The following MAPK15 variants were observed in gnomAD, a reference collection of about 807,000 sequenced individuals.
MAPK15 encodes the protein ERK-7.
Under a neutral mutation model 60.8 loss-of-function variants are expected in MAPK15, and 61 were observed. The ratio of observed to expected loss-of-function variants is 1.00; its 90% CI spans 0.82 to 1.24. The LOEUF (loss-of-function observed/expected upper bound fraction) is 1.24. Ranked by LOEUF, MAPK15 falls within the 50% of genes most tolerant of loss-of-function variation. MAPK15 has a pLI of 0.00. For synonymous variants in MAPK15, 356 were observed against 319.9 expected (o/e 1.11, Z -1.21); for missense variants, 808 against 741.1 (o/e 1.09, Z -1.05).
chr8:143,720,970 C>T lies in MAPK15; in HGVS notation c.918-30C>T. ...GCTTGAGGGGCTCCCTTGGCCGCAG[C>T]CCGGGCCCCACCTCCCTGGCTCCCT... On this transcript the variant is annotated intron_variant, in intron 9 of 13. Transcript: ENST00000338033. The surrounding 1 kb of genome is among the most constrained non-coding windows in gnomAD (Gnocchi z 4.6). 1 of 1,591,988 alleles carries T rather than the reference C, an allele frequency of 6.3e-7. No individual in the cohort carries two copies.
chr8:143,718,965 G>C (rs547759819), intron 5 of MAPK15, 28 bp from the exon 6 acceptor site: 12 of 1,599,672 alleles, frequency 7.5e-6, no homozygotes, highest in African/African-American at 2.7e-5. Context: ...ACCCAGCCCC[G>C]GGGCCTCAGC....
chr8:143,721,291 T>C lies in MAPK15; in HGVS notation c.1084T>C (p.Ser362Pro), dbSNP rs1818053670. 6.2e-7 allele frequency: 1 copy of C among 1,613,368 alleles called. No homozygotes were observed. Among genetic ancestry groups the C allele is most frequent in the South Asian group, 1.1e-5 (1 of 91,040 alleles). The stretch of plus-strand genomic sequence containing the variant: ...GAGAGAGAAGGGCCCGGAGGGTGTC[T>C]CCCCAAGCCAGGCACACCTGCACAA... The part of the protein sequence containing the change: ...TSREKGPEGV[S>P]PSQAHLHKPR... The change falls in exon 11 of 14, where the codon TCC (serine) becomes CCC (proline). Residue 362 changes from serine (S) to proline (P), a missense_variant. Ser to Pro is a moderately conservative substitution (Grantham distance 74, BLOSUM62 -1). Coordinates refer to ENST00000338033, the MANE Select transcript of MAPK15 (RefSeq NM_139021.3).
chr8:143,718,667 GT>G (rs1474774338), intron 4 of MAPK15, 107 bp from the exon 5 acceptor site: 3 of 1,044,362 alleles, frequency 2.9e-6, no homozygotes, highest in Non-Finnish European at 4.2e-6. Flanking sequence ...CGGCCAGGCC[GT>G]GGGCTGGTTC....
rs1003807828 is a variant in MAPK15 at position 143,720,021 on chromosome 8, G to A, written c.722-209G>A. Among the ~76,000 whole-genome samples the A allele has an allele frequency of 2.6e-5, 4 of 152,288 alleles. No homozygotes were observed. Among genetic ancestry groups the A allele is most frequent in the Admixed American group, 6.5e-5 (1 of 15,306 alleles). ...GAGCACACCCCAGGGCCAGGTGCCC[G>A]AGTGTGGAGCAGGGGTCATGTGCGG... On this transcript the variant is annotated intron_variant, in intron 7 of 13. Coordinates refer to ENST00000338033, the MANE Select transcript of MAPK15 (RefSeq NM_139021.3). The surrounding 1 kb of genome is among the most constrained non-coding windows in gnomAD (Gnocchi z 4.6).
At chr8:143,721,940 C>A (rs1391482586) in intron 13 of MAPK15, 60 bp downstream of exon 13, 9 of 1,520,204 alleles carry the variant, frequency 5.9e-6, no homozygotes, top group Non-Finnish European at 8.0e-6. Context: ...CCCCTTCCCC[C>A]CTGCTTTTCC....
chr8:143,718,497 G>A (rs1156662404), intron 4 of MAPK15, 195 bp downstream of exon 4: 13 of 652,392 alleles, frequency 2.0e-5, no homozygotes, highest in East Asian at 5.4e-5. Context: ...GACCCCTTTC[G>A]TCCCACCTGC....
At position 143,720,679 on chromosome 8, in the gene MAPK15, G is replaced by T. The variant is rs117985317; in HGVS notation, c.780-24G>T. 6.2e-7 allele frequency: 1 copy of T among 1,601,900 alleles called. No individual in the cohort carries two copies. ...GGAGGGGCCCTTGGGTCGGGCCCTGGAGACGACACACGGCAGCCCACAGGC... is the reference window on the plus strand; with the variant it reads ...GGAGGGGCCCTTGGGTCGGGCCCTGTAGACGACACACGGCAGCCCACAGGC... On this transcript the variant is annotated intron_variant, in intron 8 of 13. Transcript: ENST00000338033. The surrounding 1 kb of genome is among the most constrained non-coding windows in gnomAD (Gnocchi z 4.6).
chr8:143,719,786 T>G (rs1817975118), intron 7 of MAPK15, among the ~76,000 whole-genome samples: 1 of 152,052 alleles, frequency 6.6e-6, no homozygotes, highest in African/African-American at 2.4e-5. Flanking sequence ...GGGCAGGGAC[T>G]GTCACTGTGC....
intron 6 of MAPK15, 88 bp downstream of exon 6, chr8:143,719,244 C>T (rs1817946807): frequency 6.6e-7 from 1 of 1,515,862 alleles, no homozygotes; most frequent in East Asian, 2.4e-5. Flanking sequence ...TACTCCGACC[C>T]TGCCTTGGTC....
rs782502498 is a variant in MAPK15, at chr8:143,721,559, T to A, written c.1215T>A (p.Arg405=). Residue 405 remains arginine, a synonymous_variant, in exon 12 of 14, where the codon CGT becomes CGA. Coordinates refer to ENST00000338033, the MANE Select transcript of MAPK15 (RefSeq NM_139021.3). ...GHDPAEHESP[R]AAKNVPRQNS... ...CCACTGACCCCACAGAGTCCCCCCG[T>A]GCAGCCAAGAACGTTCCCAGGCAGA... 1.2e-6 allele frequency: 2 copies of A among 1,613,736 alleles called. No homozygotes were observed. Among genetic ancestry groups the A allele is most frequent in the South Asian group, 2.2e-5 (2 of 91,030 alleles).
chr8:143,716,708 G>A (rs1817824302), intron 1 of MAPK15, among the ~76,000 whole-genome samples: 1 of 151,642 alleles, frequency 6.6e-6, no homozygotes, highest in South Asian at 2.1e-4. Flanking sequence ...GGATCCTGGC[G>A]CCCCACTCCC....
Position 143,720,051 on chromosome 8 carries a change from T to C in MAPK15, c.722-179T>C. ...TGGAGCAGGGGTCATGTGCGGGTGC[T>C]CCCGTGCACAGGCTGGGTGGCACGC... On this transcript the variant is annotated intron_variant, in intron 7 of 13. Transcript: ENST00000338033. The surrounding 1 kb of genome is among the most constrained non-coding windows in gnomAD (Gnocchi z 4.6). 1 of 840,302 alleles carries C rather than the reference T, an allele frequency of 1.2e-6. No homozygotes were observed. The highest frequency in any genetic ancestry group is 1.8e-6 in the Non-Finnish European group (1 of 547,498). 52.1% of individuals were successfully genotyped at this position (840,302 alleles called of 1,614,324 possible). A position where few individuals can be genotyped will look rare whatever the true frequency, so the allele number is the denominator to read the frequency against.
intron 6 of MAPK15, 49 bp from the exon 7 acceptor site, chr8:143,719,294 C>G (rs184729515): frequency 6.4e-7 from 1 of 1,557,196 alleles, no homozygotes; most frequent in Non-Finnish European, 8.7e-7. Context: ...AACCCCACCC[C>G]CACCTCTGCC....
rs1554619479 is a variant in MAPK15 at position 143,720,580 on chromosome 8, G to A, written c.780-123G>A. ...GACTGCCTGCAGGTCAGGCACAGGG[G>A]CATCTACCTAGACAGGACAGCAGGG... On this transcript the variant is annotated intron_variant, in intron 8 of 13. Transcript: ENST00000338033. The surrounding 1 kb of genome is among the most constrained non-coding windows in gnomAD (Gnocchi z 4.6). 1 of 1,483,526 alleles carries A rather than the reference G, an allele frequency of 6.7e-7. No individual in the cohort carries two copies. Among genetic ancestry groups the A allele is most frequent in the South Asian group, 1.4e-5 (1 of 73,494 alleles). The allele number at this position is 1,483,526 out of a possible 1,614,324, so 91.9% of individuals were successfully genotyped here.
At position 143,721,027 on chromosome 8, in the gene MAPK15, A is replaced by G; in HGVS notation, c.945A>G (p.Ala315=). The G allele has an allele frequency of 6.2e-7, 1 of 1,611,614 alleles. No homozygotes were observed. The highest frequency in any genetic ancestry group is 8.5e-7 in the Non-Finnish European group (1 of 1,179,392). Reference sequence around the variant, plus strand: ...TCCACTGCCCCAGCGACGAGTGGGCACGAGAGGCAGATGTGCGGCCCCGGG... The same window carrying G: ...TCCACTGCCCCAGCGACGAGTGGGCGCGAGAGGCAGATGTGCGGCCCCGGG... ...QRFHCPSDEW[A]READVRPRAH... The change falls in exon 10 of 14, where the codon GCA becomes GCG. Residue 315 remains alanine, a synonymous_variant. Transcript: ENST00000338033.
At position 143,719,413 on chromosome 8, in the gene MAPK15, T is replaced by C; in HGVS notation, c.652T>C (p.Phe218Leu). The C allele has an allele frequency of 1.2e-6, 2 of 1,611,544 alleles. No homozygotes were observed. The highest frequency in any genetic ancestry group is 1.1e-5 in the South Asian group (1 of 90,774). ...LGEMLRGRPL[F>L]PGTSTLHQLE... The stretch of plus-strand genomic sequence containing the variant: ...GGAGATGCTGCGGGGGAGACCCCTG[T>C]TCCCCGGCACGTCCACCCTCCACCA... Residue 218 changes from phenylalanine to leucine, a missense_variant, in exon 7 of 14, where the codon TTC becomes CTC. Coordinates refer to ENST00000338033, the MANE Select transcript of MAPK15 (RefSeq NM_139021.3).
intron 7 of MAPK15, among the ~76,000 whole-genome samples, chr8:143,719,723 A>G (rs1817972412): frequency 6.6e-6 from 1 of 152,146 alleles, no homozygotes; most frequent in African/African-American, 2.4e-5. Context: ...CCAAGCAGTG[A>G]CCGTGAAGGG....
At position 143,719,495 on chromosome 8, in the gene MAPK15, G is replaced by C. The variant is rs1817962788; in HGVS notation, c.721+13G>C. ...CCATCTGAGGAGGGTGAGCCAGGCT[G>C]CTGGGGCTGGGCACCGGGAATGCTG... On this transcript the variant is annotated intron_variant, in intron 7 of 13. Coordinates refer to ENST00000338033, the MANE Select transcript of MAPK15 (RefSeq NM_139021.3). The C allele has an allele frequency of 2.5e-6, 4 of 1,605,076 alleles. No individual in the cohort carries two copies. The highest frequency in any genetic ancestry group is 3.4e-6 in the Non-Finnish European group (4 of 1,177,414).
chr8:143,718,542 C>T (rs1203952819), intron 4 of MAPK15: 19 of 624,888 alleles, frequency 3.0e-5, no homozygotes, highest in Admixed American at 8.8e-5. Flanking sequence ...TTTGCAGTTG[C>T]GTTCTCCTTT....
Sources: allele counts gnomAD v4.1 joint callset (sites outside exome capture counted in the v4.1 genomes callset), GRCh38; gene constraint gnomAD v4.1.1; non-coding constraint Gnocchi (gnomAD v3.1); transcripts MANE v1.5; gene names NCBI Gene and HGNC (gene_info 2026-07-23, HGNC 2026-07-21).